Variants in CPLX1 observed in about 807,000 individuals in gnomAD.
CPLX1 encodes the protein complexin-1.
CPLX1 carries 6 observed loss-of-function variants against 15.6 expected under a neutral mutation model. The ratio of observed to expected loss-of-function variants is 0.39; its 90% CI spans 0.21 to 0.76. The LOEUF (loss-of-function observed/expected upper bound fraction) is 0.76, where lower values mean the gene tolerates loss of function less well. Ranked by LOEUF, CPLX1 falls within the 30% of genes least tolerant of loss-of-function variation. The pLI is 0.43. For missense variants in CPLX1, 242 were observed against 188.6 expected, an observed-to-expected ratio of 1.28 and a Z score of -1.66; for synonymous variants, 91 against 75.2, an observed-to-expected ratio of 1.21 and a Z score of -1.08.
At chr4:811,611 G>T (rs1158615510) in intron 2 of CPLX1, among the ~76,000 whole-genome samples, 1 of 152,342 alleles carries the variant, frequency 6.6e-6, no homozygotes, top group East Asian at 1.9e-4. Flanking sequence ...CCTTTCACGT[G>T]CACTGAGACT....
chr4:804,827 A>C, intron 2 of CPLX1: 1 of 985,324 alleles, frequency 1.0e-6, no homozygotes, highest in Non-Finnish European at 1.2e-6. Flanking sequence ...GGAGGCCGGC[A>C]AGCGTGGGGA....
chr4:797,178 ACCAGCTGTATTTC>A (rs1746359215), intron 2 of CPLX1, among the ~76,000 whole-genome samples: 1 of 152,244 alleles, frequency 6.6e-6, no homozygotes, highest in Non-Finnish European at 1.5e-5. Context: ...CTGGCCCGTC[ACCAGCTGTATTTC>A]CCTTTGTAGT....
At chr4:793,010 A>G (rs1746230760) in intron 2 of CPLX1, among the ~76,000 whole-genome samples, 1 of 152,058 alleles carries the variant, frequency 6.6e-6, no homozygotes, top group Non-Finnish European at 1.5e-5. Flanking sequence ...TTTGTGTCAT[A>G]TGCATGCCTG....
chr4:805,957 A>G (rs1465629445), intron 2 of CPLX1, among the ~76,000 whole-genome samples: 1 of 152,070 alleles, frequency 6.6e-6, no homozygotes, highest in Non-Finnish European at 1.5e-5. Context: ...GGGGAAGGAG[A>G]GTGGGGAGTG....
intron 3 of CPLX1, chr4:787,996 C>G: frequency 2.0e-6 from 2 of 985,382 alleles, no homozygotes; most frequent in Non-Finnish European, 2.4e-6. Context: ...TACAGGTGCT[C>G]TGGAGTAGTG....
intron 2 of CPLX1, among the ~76,000 whole-genome samples, chr4:803,552 G>A (rs778753939): frequency 4.6e-4 from 69 of 150,430 alleles, no homozygotes; most frequent in South Asian, 1.3e-3. Context: ...CACCGCGCCC[G>A]GCTAATTTTT....
At chr4:801,809 C>G (rs1047868968) in intron 2 of CPLX1, among the ~76,000 whole-genome samples, 15 of 152,336 alleles carry the variant, frequency 9.8e-5, no homozygotes, top group African/African-American at 3.6e-4. Flanking sequence ...TAAAGTTGAT[C>G]GACGTGTCAG....
At chr4:809,883 G>A (rs1746630213) in intron 2 of CPLX1, among the ~76,000 whole-genome samples, 1 of 152,042 alleles carries the variant, frequency 6.6e-6, no homozygotes, top group African/African-American at 2.4e-5. Context: ...GACTGGCCCG[G>A]TTACTGAGTT....
Position 800,512 on chromosome 4 carries a change from A to C in CPLX1, c.32-7904T>G, listed in dbSNP as rs192802757. ...TATATACACACACATATACACACAC[A>C]GACACATATATGTGTATATACATAC... On this transcript the variant is annotated intron_variant, in intron 2 of 3. Coordinates refer to ENST00000304062, the MANE Select transcript of CPLX1 (RefSeq NM_006651.4). Among the ~76,000 whole-genome samples the C allele has an allele frequency of 1.8e-3, 269 of 148,738 alleles. 7 individuals are homozygous for C. The highest frequency in any genetic ancestry group is 0.017 in the Admixed American group (253 of 14,870).
intron 2 of CPLX1, among the ~76,000 whole-genome samples, chr4:797,479 C>T (rs1250933536): frequency 1.3e-5 from 2 of 152,182 alleles, no homozygotes; most frequent in African/African-American, 4.8e-5. Flanking sequence ...AGGCGTCTGC[C>T]ACCATGCCTA....
At position 810,822 on chromosome 4, in the gene CPLX1, G is replaced by A. The variant is rs180992483; in HGVS notation, c.31+13670C>T. On this transcript the variant is annotated intron_variant, in intron 2 of 3. Transcript: ENST00000304062. Reference sequence around the variant, plus strand: ...AGTGATTCTTCTGCCCCAGCCTCCCGAGTAGCTGGGATTACAGGTGCCCGC... The same window carrying A: ...AGTGATTCTTCTGCCCCAGCCTCCCAAGTAGCTGGGATTACAGGTGCCCGC... Among the ~76,000 whole-genome samples, 234 of 151,084 alleles carry A rather than the reference G, an allele frequency of 1.5e-3. 1 individual carries two copies. Among genetic ancestry groups the A allele is most frequent in the African/African-American group, 5.3e-3 (218 of 41,072 alleles).
At chr4:804,443 A>G (rs2152645856) in intron 2 of CPLX1, among the ~76,000 whole-genome samples, 1 of 152,348 alleles carries the variant, frequency 6.6e-6, no homozygotes, top group South Asian at 2.1e-4. Flanking sequence ...AGGAAAACAC[A>G]CAATAAGTAC....
chr4:802,951 A>C lies in CPLX1; in HGVS notation c.32-10343T>G, dbSNP rs201666875. 3.3e-4 allele frequency among the ~76,000 whole-genome samples: 28 copies of C among 85,672 alleles called. No homozygotes were observed. In the East Asian group the frequency reaches 5.3e-3, roughly 16 times the overall value. The allele number at this position is 85,672 out of a possible 152,430, so 56.2% of individuals were successfully genotyped here. A position where few individuals can be genotyped will look rare whatever the true frequency, so the allele number is the denominator to read the frequency against. ...GAGCATTAGAGTGAGACTCTGTCTC[A>C]AAAAAAAAAAAAAAAAATTCCAGAA... On this transcript the variant is annotated intron_variant, in intron 2 of 3. Coordinates refer to ENST00000304062, the MANE Select transcript of CPLX1 (RefSeq NM_006651.4).
intron 2 of CPLX1, among the ~76,000 whole-genome samples, 160 bp downstream of exon 2, chr4:824,332 G>C (rs966296462): frequency 3.3e-5 from 5 of 152,232 alleles, no homozygotes; most frequent in Non-Finnish European, 7.3e-5. Flanking sequence ...GCGCTGCTGG[G>C]CACGGTCCTT....
chr4:794,487 G>C (rs1746275913), intron 2 of CPLX1, among the ~76,000 whole-genome samples: 1 of 152,190 alleles, frequency 6.6e-6, no homozygotes, highest in Admixed American at 6.5e-5. Context: ...CAGATTTTAG[G>C]CCCATGACTC....
At chr4:817,893 C>T (rs1198527641) in intron 2 of CPLX1, among the ~76,000 whole-genome samples, 1 of 152,158 alleles carries the variant, frequency 6.6e-6, no homozygotes, top group African/African-American at 2.4e-5. Flanking sequence ...CATAGTATCT[C>T]AGAATATTTT....
chr4:806,106 A>G (rs146797838), intron 2 of CPLX1, among the ~76,000 whole-genome samples: 10 of 152,320 alleles, frequency 6.6e-5, no homozygotes, highest in Non-Finnish European at 1.3e-4. Flanking sequence ...ATTTTATGCT[A>G]TATATTTTAC....
chr4:816,441 A>T (rs1746757659), intron 2 of CPLX1, among the ~76,000 whole-genome samples: 1 of 151,862 alleles, frequency 6.6e-6, no homozygotes. Context: ...GCTGGTCTTG[A>T]ACTCCTGACC....
intron 2 of CPLX1, among the ~76,000 whole-genome samples, chr4:823,495 G>A (rs1746911763): frequency 6.6e-6 from 1 of 152,214 alleles, no homozygotes. Context: ...ACTCCAAGGT[G>A]TGAATGGCAT....
Sources: allele counts gnomAD v4.1 joint callset (sites outside exome capture counted in the v4.1 genomes callset), GRCh38; gene constraint gnomAD v4.1.1; transcripts MANE v1.5; gene names NCBI Gene and HGNC (gene_info 2026-07-23, HGNC 2026-07-21).